The following HERC4 variants were observed in gnomAD, a reference collection of about 807,000 sequenced individuals.
The protein encoded by HERC4 is HECT and RLD domain containing E3 ubiquitin protein ligase 4.
HERC4 carries 28 observed loss-of-function variants against 124.3 expected under a neutral mutation model. The observed-to-expected ratio is 0.23, with a 90% CI of 0.17 to 0.31. The LOEUF (loss-of-function observed/expected upper bound fraction) is 0.31. Among genes scored for constraint, HERC4 ranks in the 10% least tolerant of loss-of-function variants. The pLI, the probability that HERC4 is intolerant of heterozygous loss-of-function variation, is 1.00. For synonymous variants in HERC4, 407 were observed against 421.5 expected, an observed-to-expected ratio of 0.97 and a Z score of 0.42; for missense variants, 713 against 1,229.3, an observed-to-expected ratio of 0.58 and a Z score of 6.28.
At position 68,059,851 on chromosome 10, in the gene HERC4, A is replaced by ATAT. The variant is rs1387746141; in HGVS notation, c.226+13029_226+13031dup. On this transcript the variant is annotated intron_variant, in intron 3 of 24. Transcript: ENST00000373700. ...AATATTATATATTATAATATATTATATATCATAATATTATATATTATAATA... is the reference window on the plus strand; with the variant it reads ...AATATTATATATTATAATATATTATATATTATCATAATATTATATATTATAATA... Among the ~76,000 whole-genome samples, 6 of 78,908 alleles carry ATAT rather than the reference A, an allele frequency of 7.6e-5. 1 individual carries two copies. The highest frequency in any genetic ancestry group is 6.3e-5 in the Non-Finnish European group (3 of 47,486). The allele number at this position is 78,908 out of a possible 152,430, so 51.8% of individuals were successfully genotyped here. A position where few individuals can be genotyped will look rare whatever the true frequency, so the allele number is the denominator to read the frequency against.
intron 9 of HERC4, among the ~76,000 whole-genome samples, chr10:68,006,273 C>T (rs1347150785): frequency 1.3e-5 from 2 of 151,786 alleles, no homozygotes; most frequent in Non-Finnish European, 2.9e-5. Context: ...TGTTATTGTT[C>T]ATTAATGTCC....
intron 16 of HERC4, chr10:67,966,175 C>T (rs940874262): frequency 6.5e-6 from 1 of 153,248 alleles, no homozygotes; most frequent in African/African-American, 2.4e-5. Context: ...GATGGGATTT[C>T]GTCATGTTGC....
chr10:68,003,486 A>G (rs975542769), intron 9 of HERC4, among the ~76,000 whole-genome samples: 8 of 151,744 alleles, frequency 5.3e-5, no homozygotes, highest in African/African-American at 1.7e-4. Context: ...TTTTGTACTT[A>G]TTAACTATCC....
intron 9 of HERC4, among the ~76,000 whole-genome samples, chr10:68,013,109 T>C (rs561838135): frequency 6.6e-6 from 1 of 152,336 alleles, no homozygotes; most frequent in East Asian, 1.9e-4. Context: ...AACAAGTCTA[T>C]CAGCACCATT....
intron 15 of HERC4, among the ~76,000 whole-genome samples, chr10:67,981,784 C>G (rs145873315): frequency 8.4e-4 from 127 of 152,080 alleles, no homozygotes; most frequent in African/African-American, 2.9e-3. Flanking sequence ...ATGACGAAAC[C>G]CCATCTCTAC....
At chr10:67,992,788 C>T in intron 9 of HERC4, 106 bp from the exon 10 acceptor site, 1 of 630,864 alleles carries the variant, frequency 1.6e-6, no homozygotes, top group South Asian at 2.0e-5. Context: ...AATAAGGCCT[C>T]CCATTCATGG....
intron 9 of HERC4, among the ~76,000 whole-genome samples, chr10:68,013,463 A>G (rs1449952542): frequency 6.6e-6 from 1 of 152,236 alleles, no homozygotes; most frequent in East Asian, 1.9e-4. Flanking sequence ...GCTTAGTGAA[A>G]TAAGTGAGTC....
At chr10:68,019,289 C>T (rs916609485) in intron 8 of HERC4, among the ~76,000 whole-genome samples, 1 of 152,000 alleles carries the variant, frequency 6.6e-6, no homozygotes, top group African/African-American at 2.4e-5. Flanking sequence ...AGCCACTGCG[C>T]CCGGTCCAGC....
chr10:68,040,307 T>C, intron 4 of HERC4: 1 of 973,540 alleles, frequency 1.0e-6, no homozygotes, highest in Non-Finnish European at 1.2e-6. Context: ...TTCTGCGTCA[T>C]TACTGTGTTA....
chr10:68,058,946 T>C (rs1249183887), intron 3 of HERC4, among the ~76,000 whole-genome samples: 1 of 152,108 alleles, frequency 6.6e-6, no homozygotes, highest in Admixed American at 6.6e-5. Context: ...ACCACTTCTT[T>C]TCCCACCTCT....
chr10:67,971,457 T>C (rs1242841935), intron 15 of HERC4, among the ~76,000 whole-genome samples: 1 of 151,982 alleles, frequency 6.6e-6, no homozygotes, highest in Admixed American at 6.6e-5. Context: ...GTAAAGTTCA[T>C]CTCAAGAATG....
At chr10:67,996,987 C>T (rs1454215787) in intron 9 of HERC4, among the ~76,000 whole-genome samples, 1 of 147,006 alleles carries the variant, frequency 6.8e-6, no homozygotes, top group Non-Finnish European at 1.5e-5. Context: ...GACTCCGTCT[C>T]GAAAAAAAAA....
At position 68,059,710 on chromosome 10, in the gene HERC4, TCATAATATTA is replaced by T. The variant is rs1442853739; in HGVS notation, c.226+13163_226+13172del. ...ATATTATATATTATAATATTATATA[TCATAATATTA>T]TATATTATATATCATAATATTATAT... On this transcript the variant is annotated intron_variant, in intron 3 of 24. Coordinates refer to ENST00000373700, the MANE Select transcript of HERC4 (RefSeq NM_015601.4). Among the ~76,000 whole-genome samples the T allele has an allele frequency of 4.0e-3, 247 of 61,466 alleles. 64 individuals carry two copies. Among genetic ancestry groups the T allele is most frequent in the African/African-American group, 0.032 (171 of 5,412 alleles). The allele number at this position is 61,466 out of a possible 152,430, so 40.3% of individuals were successfully genotyped here.
At chr10:68,047,586 AG>A (rs1173014851) in intron 3 of HERC4, among the ~76,000 whole-genome samples, 1 of 152,248 alleles carries the variant, frequency 6.6e-6, no homozygotes, top group Non-Finnish European at 1.5e-5. Context: ...CACCTCACCA[AG>A]GAAGATAAAC....
chr10:67,939,752 C>CGG (rs1564930342), intron 20 of HERC4, 98 bp from the exon 21 acceptor site: 4 of 505,336 alleles, frequency 7.9e-6, no homozygotes, highest in Non-Finnish European at 1.3e-5. Flanking sequence ...TTCTCATTCC[C>CGG]TCTTGGTAAA....
At chr10:67,934,429 T>C (rs1306279855) in intron 22 of HERC4, among the ~76,000 whole-genome samples, 1 of 152,194 alleles carries the variant, frequency 6.6e-6, no homozygotes, top group Non-Finnish European at 1.5e-5. Context: ...CTAACCCAAG[T>C]TGTTATTTCT....
At chr10:68,063,972 G>A (rs531800926) in intron 3 of HERC4, among the ~76,000 whole-genome samples, 2 of 151,936 alleles carry the variant, frequency 1.3e-5, no homozygotes, top group South Asian at 2.1e-4. Context: ...GCTGGGCATG[G>A]TAGCTCATGC....
chr10:67,940,901 C>T, intron 20 of HERC4, 38 bp downstream of exon 20: 2 of 1,576,956 alleles, frequency 1.3e-6, no homozygotes, highest in South Asian at 1.2e-5. Context: ...TTTTACCTCC[C>T]AAACCCTACT....
chr10:67,995,149 A>T (rs2036790797), intron 9 of HERC4: 1 of 398,216 alleles, frequency 2.5e-6, no homozygotes. Flanking sequence ...GAATCTAGAC[A>T]GGTTTCAATC....
Sources: allele counts gnomAD v4.1 joint callset (sites outside exome capture counted in the v4.1 genomes callset), GRCh38; gene constraint gnomAD v4.1.1; transcripts MANE v1.5; gene names NCBI Gene and HGNC (gene_info 2026-07-23, HGNC 2026-07-21).